Variants in ATP8B1 observed in about 807,000 individuals in gnomAD.
ATP8B1 encodes the protein ATPase phospholipid transporting 8B1, also known as phospholipid-transporting ATPase IC.
In ATP8B1, 80 loss-of-function variants were observed where a neutral mutation model predicts 149.9. That is an observed-to-expected ratio of 0.53 (90% CI 0.45 to 0.64). ATP8B1 has a LOEUF of 0.64. ATP8B1 is among the 30% of genes least tolerant of loss of function. ATP8B1 has a pLI of 0.00. For missense variants in ATP8B1, 1,247 were observed against 1,552.6 expected (o/e 0.80, Z 3.31); for synonymous variants, 536 against 562.8 (o/e 0.95, Z 0.67).
chr18:57,657,143 C>G (rs1290522000), intron 22 of ATP8B1, among the ~76,000 whole-genome samples: 1 of 152,024 alleles, frequency 6.6e-6, no homozygotes, highest in Non-Finnish European at 1.5e-5. Flanking sequence ...TTTTCTTAAG[C>G]TAGCTTTGGT....
chr18:57,671,442 G>A (rs1365321529), intron 17 of ATP8B1, 26 bp downstream of exon 17: 19 of 1,546,494 alleles, frequency 1.2e-5, no homozygotes, highest in Non-Finnish European at 1.7e-5. Flanking sequence ...AGAATCCCTT[G>A]CAGAAAGAAT....
At chr18:57,775,727 C>T (rs2080301263) in intron 1 of ATP8B1, among the ~76,000 whole-genome samples, 1 of 150,606 alleles carries the variant, frequency 6.6e-6, no homozygotes, top group African/African-American at 2.4e-5. Flanking sequence ...TCACTGCAAC[C>T]TCCACCTCCT....
chr18:57,670,337 TTTTTTCTTTTTC>T (rs534984328), intron 17 of ATP8B1, among the ~76,000 whole-genome samples: 1 of 151,428 alleles, frequency 6.6e-6, no homozygotes, highest in East Asian at 1.9e-4. Flanking sequence ...CATTTTCTTT[TTTTTTCTTTTTC>T]TTTTTCTTTT....
chr18:57,652,987 A>G (rs1291432228), intron 24 of ATP8B1, among the ~76,000 whole-genome samples: 1 of 152,202 alleles, frequency 6.6e-6, no homozygotes, highest in Non-Finnish European at 1.5e-5. Context: ...ATGGAAAGAA[A>G]ACAAATTAGT....
At chr18:57,656,387 CTTT>C (rs11289944) in intron 22 of ATP8B1, among the ~76,000 whole-genome samples, 15 of 137,160 alleles carry the variant, frequency 1.1e-4, no homozygotes, top group Non-Finnish European at 4.7e-5. Context: ...CTTTCTCTCT[CTTT>C]TTTTTTTTTT....
In ATP8B1 at chr18:57,701,671, G is replaced by C. The variant is rs1196247564; in HGVS notation, c.394-358C>G. On this transcript the variant is annotated intron_variant, in intron 4 of 27. Transcript: ENST00000648908. ...GGGGGTGAGGGGGTAGGAGTGGCAAGGGAGAAGTCTCGTCTTAACTTTTTT... is the reference window on the plus strand; with the variant it reads ...GGGGGTGAGGGGGTAGGAGTGGCAACGGAGAAGTCTCGTCTTAACTTTTTT... Among the ~76,000 whole-genome samples the C allele has an allele frequency of 2.0e-5, 3 of 152,068 alleles. No homozygotes were observed. In the South Asian group the frequency reaches 6.2e-4, roughly 31 times the overall value.
chr18:57,767,729 C>T (rs1406077733), intron 1 of ATP8B1, among the ~76,000 whole-genome samples: 1 of 151,516 alleles, frequency 6.6e-6, no homozygotes, highest in East Asian at 1.9e-4. Context: ...GCAGAGGTTG[C>T]AGTGAGCCAA....
intron 1 of ATP8B1, among the ~76,000 whole-genome samples, chr18:57,744,240 G>A (rs771042469): frequency 2.0e-5 from 3 of 150,664 alleles, no homozygotes; most frequent in South Asian, 2.1e-4. Flanking sequence ...GCTTGAACCC[G>A]GGAGGTAGAG....
chr18:57,764,909 C>T (rs557911231), intron 1 of ATP8B1, among the ~76,000 whole-genome samples: 1 of 152,084 alleles, frequency 6.6e-6, no homozygotes, highest in Admixed American at 6.6e-5. Context: ...ATAGAATTAC[C>T]ATAGGATCTA....
At chr18:57,776,824 C>T (rs59669788) in intron 1 of ATP8B1, among the ~76,000 whole-genome samples, 1,541 of 152,182 alleles carry the variant, frequency 0.01, 37 homozygotes, top group African/African-American at 0.035. Flanking sequence ...TATTTTCACC[C>T]CCCTTCCCTC....
chr18:57,650,342 T>A, intron 27 of ATP8B1, 25 bp downstream of exon 27: 2 of 1,609,962 alleles, frequency 1.2e-6, no homozygotes, highest in Non-Finnish European at 1.7e-6. Flanking sequence ...GGGACAGAGT[T>A]GGGAAAGGAC....
At position 57,669,396 on chromosome 18, in the gene ATP8B1, A is replaced by G. The variant is rs1486724240; in HGVS notation, c.2019T>C (p.Phe673=). ...EKEFTEWNKK[F]MAASVASTNR... ...TGGTGGAGGCCACACTGGCAGCCAT[A>G]AACTTTTTATTCCATTCTGTAAATT... The change falls in exon 18 of 28, where the codon TTT becomes TTC. Residue 673 remains phenylalanine (F), a synonymous_variant. Coordinates refer to ENST00000648908, the MANE Select transcript of ATP8B1 (RefSeq NM_001374385.1). 13 of 1,613,976 alleles carry G rather than the reference A, an allele frequency of 8.1e-6. No homozygotes were observed. Among genetic ancestry groups the G allele is most frequent in the Non-Finnish European group, 1.1e-5 (13 of 1,179,886 alleles).
chr18:57,651,621 G>GT (rs1909624565), intron 26 of ATP8B1, among the ~76,000 whole-genome samples: 1 of 151,432 alleles, frequency 6.6e-6, no homozygotes, highest in African/African-American at 2.4e-5. Flanking sequence ...TATTTGTTTT[G>GT]TTGTGCTTTG....
At chr18:57,727,566 G>A (rs1169835273) in intron 2 of ATP8B1, among the ~76,000 whole-genome samples, 1 of 152,150 alleles carries the variant, frequency 6.6e-6, no homozygotes, top group Non-Finnish European at 1.5e-5. Flanking sequence ...TGAGGCTGGT[G>A]GATCACAAGT....
chr18:57,718,103 T>TGAAAAAAAA (rs2079601254), intron 2 of ATP8B1, among the ~76,000 whole-genome samples: 1 of 31,800 alleles, frequency 3.1e-5, no homozygotes, highest in Non-Finnish European at 5.8e-5. Context: ...CTGGACTAAC[T>TGAAAAAAAA]AAAAAAAAAA....
chr18:57,650,508 C>CATGGCAA lies in ATP8B1; in HGVS notation c.3401-18_3401-12dup, dbSNP rs1909538338. The CATGGCAA allele has an allele frequency of 6.2e-7, 1 of 1,612,182 alleles. No homozygotes were observed. Among genetic ancestry groups the CATGGCAA allele is most frequent in the Non-Finnish European group, 8.5e-7 (1 of 1,178,830 alleles). On this transcript the variant is annotated splice_polypyrimidine_tract_variant and intron_variant, in intron 26 of 27. Coordinates refer to ENST00000648908, the MANE Select transcript of ATP8B1 (RefSeq NM_001374385.1). ...CGTTTGAAGCTGTGCCTGTAAAGAA[C>CATGGCAA]ATGGCAAATGCATCACTGTGGTTCT...
chr18:57,775,698 G>T (rs1462688963), intron 1 of ATP8B1, among the ~76,000 whole-genome samples: 1 of 147,812 alleles, frequency 6.8e-6, no homozygotes, highest in Non-Finnish European at 1.5e-5. Flanking sequence ...AGGCTGGAGT[G>T]CAATGGTGCA....
intron 17 of ATP8B1, among the ~76,000 whole-genome samples, chr18:57,669,719 G>A (rs978190126): frequency 7.0e-4 from 106 of 152,030 alleles, no homozygotes; most frequent in African/African-American, 2.4e-3. Context: ...ATGCAATCCC[G>A]GCTCACTGCA....
intron 15 of ATP8B1, 128 bp downstream of exon 15, chr18:57,683,908 A>G: frequency 8.1e-7 from 1 of 1,237,764 alleles, no homozygotes; most frequent in Non-Finnish European, 1.2e-6. Context: ...AGTGCTGAGA[A>G]ATATTCACTG....
Sources: gnomAD v4.1 joint callset for allele counts (sites outside exome capture counted in the v4.1 genomes callset) on GRCh38, gnomAD v4.1.1 for gene constraint, MANE v1.5 for transcripts, NCBI Gene and HGNC (gene_info 2026-07-23, HGNC 2026-07-21) for gene names.